The following IGSF21 variants were observed in gnomAD, a reference collection of about 807,000 sequenced individuals.
The protein encoded by IGSF21 is immunoglobin superfamily member 21.
Under a neutral mutation model 46.8 loss-of-function variants are expected in IGSF21, and 28 were observed. The observed-to-expected ratio is 0.60, with a 90% CI of 0.44 to 0.82. The LOEUF (loss-of-function observed/expected upper bound fraction) is 0.82, where lower values mean the gene tolerates loss of function less well. Ranked by LOEUF, IGSF21 falls within the 40% of genes least tolerant of loss-of-function variation. The probability of loss-of-function intolerance (pLI) is 0.00; values close to 1 mark genes in which losing one functional copy is unlikely to be tolerated. For synonymous variants in IGSF21, 284 were observed against 273.6 expected, an observed-to-expected ratio of 1.04 and a Z score of -0.38; for missense variants, 624 against 665.5, an observed-to-expected ratio of 0.94 and a Z score of 0.69.
intron 1 of IGSF21, among the ~76,000 whole-genome samples, chr1:18,157,986 C>T (rs557497778): frequency 2.6e-5 from 4 of 152,162 alleles, no homozygotes; most frequent in Non-Finnish European, 4.4e-5. Context: ...AAAGGTAGAA[C>T]GTGCATCTCC....
At chr1:18,271,912 G>C (rs972941659) in intron 2 of IGSF21, among the ~76,000 whole-genome samples, 25 of 152,162 alleles carry the variant, frequency 1.6e-4, no homozygotes, top group Non-Finnish European at 3.7e-4. Flanking sequence ...CCAACAGGGT[G>C]TCATTGAGAG....
At position 18,290,175 on chromosome 1, in the gene IGSF21, C is replaced by A. The variant is rs1444285000; in HGVS notation, c.184-1691C>A. Among the ~76,000 whole-genome samples the A allele has an allele frequency of 6.6e-6, 1 of 152,178 alleles. No individual in the cohort carries two copies. Among genetic ancestry groups the A allele is most frequent in the Non-Finnish European group, 1.5e-5 (1 of 68,028 alleles). On this transcript the variant is annotated intron_variant, in intron 2 of 9. Transcript: ENST00000251296. The surrounding 1 kb of genome is among the most constrained non-coding windows in gnomAD (Gnocchi z 4.2). Reference sequence around the variant, plus strand: ...GATCCCAAGAGGAGAGGAGAATCCTCCTGTCCCCGTCCTCCTCATCTTCCT... The same window carrying A: ...GATCCCAAGAGGAGAGGAGAATCCTACTGTCCCCGTCCTCCTCATCTTCCT...
chr1:18,176,966 C>T (rs2086805642), intron 1 of IGSF21, among the ~76,000 whole-genome samples: 1 of 152,176 alleles, frequency 6.6e-6, no homozygotes, highest in Non-Finnish European at 1.5e-5. Context: ...TATAATTTTT[C>T]TGGATGTATT....
intron 1 of IGSF21, among the ~76,000 whole-genome samples, chr1:18,125,933 G>A (rs188923765): frequency 1.3e-5 from 2 of 152,310 alleles, no homozygotes; most frequent in Admixed American, 6.5e-5. Flanking sequence ...ACAACTACAG[G>A]AAATGTTCAG....
At chr1:18,249,159 C>T (rs1169309058) in intron 2 of IGSF21, among the ~76,000 whole-genome samples, 1 of 152,158 alleles carries the variant, frequency 6.6e-6, no homozygotes, top group African/African-American at 2.4e-5. Flanking sequence ...ATGCTTGAAC[C>T]TTACCTGGAG....
chr1:18,150,409 G>C (rs61766500), intron 1 of IGSF21, among the ~76,000 whole-genome samples: 1 of 59,110 alleles, frequency 1.7e-5, no homozygotes, highest in South Asian at 9.4e-4. Flanking sequence ...TTGGCATGGC[G>C]GGGGGGGTCT....
At chr1:18,141,833 C>G (rs2086417977) in intron 1 of IGSF21, among the ~76,000 whole-genome samples, 1 of 152,108 alleles carries the variant, frequency 6.6e-6, no homozygotes, top group Non-Finnish European at 1.5e-5. Context: ...CTTCGGCAGG[C>G]CAAGGCGAGC....
At chr1:18,208,375 TAA>T (rs2084353414) in intron 1 of IGSF21, among the ~76,000 whole-genome samples, 1 of 11,426 alleles carries the variant, frequency 8.8e-5, no homozygotes, top group Non-Finnish European at 3.3e-4. Context: ...AGTTTAGGAA[TAA>T]TATATATATA....
At chr1:18,263,438 G>T (rs1420986189) in intron 2 of IGSF21, among the ~76,000 whole-genome samples, 1 of 148,538 alleles carries the variant, frequency 6.7e-6, no homozygotes, top group Non-Finnish European at 1.5e-5. Flanking sequence ...GTCCAGTTTT[G>T]AACCAGGCGA....
intron 1 of IGSF21, among the ~76,000 whole-genome samples, chr1:18,163,087 T>C (rs925841768): frequency 3.9e-5 from 6 of 152,118 alleles, no homozygotes; most frequent in Non-Finnish European, 7.4e-5. Context: ...TGAAAGATGT[T>C]TCCATGGGGC....
At chr1:18,288,721 C>A (rs1289603093) in intron 2 of IGSF21, among the ~76,000 whole-genome samples, 3 of 152,210 alleles carry the variant, frequency 2.0e-5, no homozygotes, top group Non-Finnish European at 4.4e-5. Flanking sequence ...CGTGTCTGAG[C>A]CTCCCATTTC....
chr1:18,245,006 C>T (rs755323428), intron 2 of IGSF21, among the ~76,000 whole-genome samples: 5 of 152,128 alleles, frequency 3.3e-5, no homozygotes, highest in Non-Finnish European at 5.9e-5. Context: ...TAGGACAGTG[C>T]CTGACGCTAT....
chr1:18,116,878 G>A (rs1195591359), intron 1 of IGSF21, among the ~76,000 whole-genome samples: 3 of 152,224 alleles, frequency 2.0e-5, no homozygotes, highest in African/African-American at 7.2e-5. Flanking sequence ...CATGCAAAGG[G>A]CTGGGGAAGA....
intron 1 of IGSF21, among the ~76,000 whole-genome samples, chr1:18,204,119 G>A (rs1164618086): frequency 6.6e-6 from 1 of 152,146 alleles, no homozygotes; most frequent in African/African-American, 2.4e-5. Context: ...AATCCTAAAA[G>A]CCCTATGGGA....
At chr1:18,268,189 C>T (rs997001305) in intron 2 of IGSF21, among the ~76,000 whole-genome samples, 1 of 152,228 alleles carries the variant, frequency 6.6e-6, no homozygotes, top group Admixed American at 6.5e-5. Context: ...TTGTTTTAAT[C>T]TACTTCGACT....
chr1:18,322,800 G>A lies in IGSF21; in HGVS notation c.306-12092G>A, dbSNP rs1233216421. On this transcript the variant is annotated intron_variant, in intron 3 of 9. Transcript: ENST00000251296. The surrounding 1 kb of genome is among the most constrained non-coding windows in gnomAD (Gnocchi z 4.3). ...CAGTCAGGACCTGGAGGAGGAAGTG[G>A]TTTCCATGGCAGCAGCCAGAGTCTG... 1.3e-5 allele frequency among the ~76,000 whole-genome samples: 2 copies of A among 152,240 alleles called. No homozygotes were observed. The highest frequency in any genetic ancestry group is 2.9e-5 in the Non-Finnish European group (2 of 68,044).
intron 2 of IGSF21, among the ~76,000 whole-genome samples, chr1:18,240,038 A>G (rs2203417): frequency 0.96 from 146,744 of 152,294 alleles, 70,892 homozygotes; most frequent in East Asian, 1. Flanking sequence ...AGCACTTTGG[A>G]AAGCTGAGAA....
chr1:18,276,485 T>TGCCACGTCC (rs1477880058), intron 2 of IGSF21, among the ~76,000 whole-genome samples: 1 of 152,206 alleles, frequency 6.6e-6, no homozygotes. Context: ...GGCACACGTC[T>TGCCACGTCC]GCCACGTCCG....
chr1:18,260,447 G>T (rs896789192), intron 2 of IGSF21, among the ~76,000 whole-genome samples: 2 of 152,248 alleles, frequency 1.3e-5, no homozygotes, highest in African/African-American at 4.8e-5. Flanking sequence ...CTATTGAAGC[G>T]GCAGTGCGCA....
Sources: gnomAD v4.1 joint callset for allele counts (sites outside exome capture counted in the v4.1 genomes callset) on GRCh38, gnomAD v4.1.1 for gene constraint, Gnocchi (gnomAD v3.1) non-coding constraint, MANE v1.5 for transcripts, NCBI Gene and HGNC (gene_info 2026-07-23, HGNC 2026-07-21) for gene names.